The following EML4 variants were observed in gnomAD, a reference collection of about 807,000 sequenced individuals.
The protein encoded by EML4 is EMAP like 4.
EML4 carries 72 observed loss-of-function variants against 129.0 expected under a neutral mutation model. The ratio of observed to expected loss-of-function variants is 0.56; its 90% CI spans 0.46 to 0.68. EML4 has a LOEUF of 0.68. Among genes scored for constraint, EML4 ranks in the 30% least tolerant of loss-of-function variants. The pLI is 0.00. For synonymous variants in EML4, 532 were observed against 405.0 expected (o/e 1.31, Z -3.77); for missense variants, 1,363 against 1,190.6 (o/e 1.14, Z -2.13).
At chr2:42,209,081 T>C (rs1672732018) in intron 1 of EML4, among the ~76,000 whole-genome samples, 1 of 152,178 alleles carries the variant, frequency 6.6e-6, no homozygotes, top group Non-Finnish European at 1.5e-5. Context: ...GTATTTAAAC[T>C]GCATCTTTAT....
intron 1 of EML4, among the ~76,000 whole-genome samples, chr2:42,196,833 T>C (rs1046222156): frequency 1.3e-5 from 2 of 152,188 alleles, no homozygotes; most frequent in African/African-American, 4.8e-5. Flanking sequence ...TTTTCTGTAA[T>C]ACCTAATACA....
chr2:42,179,616 GT>G (rs779274365), intron 1 of EML4, among the ~76,000 whole-genome samples: 27 of 151,946 alleles, frequency 1.8e-4, no homozygotes, highest in Non-Finnish European at 3.2e-4. Context: ...TTTTTGTTTT[GT>G]TTTGAGATGG....
At chr2:42,252,648 C>T (rs1245655597) in intron 2 of EML4, among the ~76,000 whole-genome samples, 1 of 152,146 alleles carries the variant, frequency 6.6e-6, no homozygotes, top group Non-Finnish European at 1.5e-5. Context: ...GTCTCCCCAC[C>T]ACCACCCACT....
chr2:42,224,758 T>C, intron 1 of EML4, among the ~76,000 whole-genome samples: 1 of 152,266 alleles, frequency 6.6e-6, no homozygotes, highest in East Asian at 1.9e-4. Context: ...TGGCATCTCA[T>C]TATGATTTTT....
At chr2:42,242,397 G>A (rs909806451) in intron 1 of EML4, among the ~76,000 whole-genome samples, 1 of 152,152 alleles carries the variant, frequency 6.6e-6, no homozygotes, top group African/African-American at 2.4e-5. Flanking sequence ...TTAGCTGGGA[G>A]GAATATTGGA....
At chr2:42,201,123 A>G (rs921398207) in intron 1 of EML4, among the ~76,000 whole-genome samples, 6 of 152,190 alleles carry the variant, frequency 3.9e-5, no homozygotes, top group Admixed American at 3.9e-4. Flanking sequence ...CAACTGTGCT[A>G]ATTTTCAAAA....
intron 13 of EML4, among the ~76,000 whole-genome samples, chr2:42,299,759 G>A (rs879320249): frequency 8.6e-5 from 13 of 152,004 alleles, no homozygotes; most frequent in Non-Finnish European, 1.9e-4. Flanking sequence ...GTGCGATTTC[G>A]GCTCACTGAA....
At chr2:42,196,819 A>G (rs949254579) in intron 1 of EML4, among the ~76,000 whole-genome samples, 8 of 152,190 alleles carry the variant, frequency 5.3e-5, no homozygotes, top group Admixed American at 5.2e-4. Flanking sequence ...AGAGACTGGG[A>G]GAGTTTTCTG....
chr2:42,289,874 C>G (rs1360870984), intron 11 of EML4: 2 of 149,112 alleles, frequency 1.3e-5, no homozygotes, highest in African/African-American at 2.5e-5. Flanking sequence ...TCAAGACCAC[C>G]CCGGCCAACA....
chr2:42,312,185 T>C (rs1317850263), intron 17 of EML4, among the ~76,000 whole-genome samples: 1 of 152,182 alleles, frequency 6.6e-6, no homozygotes, highest in African/African-American at 2.4e-5. Context: ...AGCTCACAGC[T>C]CACAAAATTA....
chr2:42,294,227 A>T (rs985078478), intron 11 of EML4, among the ~76,000 whole-genome samples: 1 of 152,186 alleles, frequency 6.6e-6, no homozygotes, highest in Non-Finnish European at 1.5e-5. Flanking sequence ...AGTCCACCAT[A>T]AATCTTTTAA....
rs1558618890 is a variant in EML4 at position 42,329,879 on chromosome 2, A to G, written c.2618A>G (p.Asn873Ser). ...KLVEKLSLPQ[N>S]ETVADTTLTK... is the part of the protein sequence containing the mutation. The stretch of plus-strand genomic sequence containing the variant: ...GTGGAAAAGTTATCTTTGCCTCAGA[A>G]TGAGACTGTAGCGGATACTACTCTA... Residue 873 changes from asparagine to serine, a missense_variant, in exon 23 of 23, where the codon AAT becomes AGT. Physicochemically the swap from Asn to Ser is conservative, Grantham distance 46 (BLOSUM62 1). Coordinates refer to ENST00000318522, the MANE Select transcript of EML4 (RefSeq NM_019063.5). 6.2e-7 allele frequency: 1 copy of G among 1,614,006 alleles called. No homozygotes were observed. The highest frequency in any genetic ancestry group is 8.5e-7 in the Non-Finnish European group (1 of 1,180,032).
Position 42,330,459 on chromosome 2 carries a change from T to C in EML4, c.*252T>C, listed in dbSNP as rs1212886478. On this transcript the variant is annotated 3_prime_UTR_variant, in exon 23 of 23. Coordinates refer to ENST00000318522, the MANE Select transcript of EML4 (RefSeq NM_019063.5). ...TGAATCATTAATGATGTCTCACAAA[T>C]TACTGTGTACCTAAGTGGTGTGATG... 3.5e-6 allele frequency: 2 copies of C among 571,510 alleles called. No homozygotes were observed. Among genetic ancestry groups the C allele is most frequent in the Non-Finnish European group, 6.3e-6 (2 of 315,626 alleles). 35.4% of individuals were successfully genotyped at this position (571,510 alleles called of 1,614,324 possible). A position where few individuals can be genotyped will look rare whatever the true frequency, so the allele number is the denominator to read the frequency against.
intron 6 of EML4, among the ~76,000 whole-genome samples, chr2:42,266,258 C>CATAA (rs1252470122): frequency 6.6e-6 from 1 of 152,116 alleles, no homozygotes; most frequent in Non-Finnish European, 1.5e-5. Context: ...TTTCTCCCTT[C>CATAA]TTTATAATAC....
intron 1 of EML4, among the ~76,000 whole-genome samples, chr2:42,230,404 A>G (rs1024451875): frequency 6.6e-6 from 1 of 151,862 alleles, no homozygotes. Context: ...CTTATTTTTT[A>G]TTTTATTTAT....
chr2:42,265,076 A>G, intron 6 of EML4: 4 of 890,304 alleles, frequency 4.5e-6, no homozygotes, highest in Non-Finnish European at 6.9e-6. Flanking sequence ...GATTTGAGCT[A>G]GATGAATCCA....
chr2:42,218,403 G>A (rs1320583409), intron 1 of EML4, among the ~76,000 whole-genome samples: 1 of 152,002 alleles, frequency 6.6e-6, no homozygotes, highest in African/African-American at 2.4e-5. Flanking sequence ...AATATAAAGT[G>A]CATAATAAGT....
intron 1 of EML4, among the ~76,000 whole-genome samples, chr2:42,227,828 A>G (rs140091449): frequency 3.1e-4 from 47 of 152,350 alleles, no homozygotes; most frequent in Non-Finnish European, 5.0e-4. Flanking sequence ...ACTATAGAAT[A>G]TATATAACAT....
intron 21 of EML4, among the ~76,000 whole-genome samples, chr2:42,328,281 T>C (rs962966519): frequency 7.2e-5 from 11 of 152,240 alleles, no homozygotes; most frequent in African/African-American, 2.7e-4. Flanking sequence ...GTGAAAATTA[T>C]GTTCGACATG....
Sources: gnomAD v4.1 joint callset for allele counts (sites outside exome capture counted in the v4.1 genomes callset) on GRCh38, gnomAD v4.1.1 for gene constraint, MANE v1.5 for transcripts, NCBI Gene and HGNC (gene_info 2026-07-23, HGNC 2026-07-21) for gene names.